Variants in UROS observed in about 807,000 individuals in gnomAD.
UROS encodes uroporphyrinogen III synthase.
Under a neutral mutation model 33.0 loss-of-function variants are expected in UROS, and 18 were observed. That is an observed-to-expected ratio of 0.55 (90% CI 0.38 to 0.81). UROS has a LOEUF of 0.81. Among genes scored for constraint, UROS ranks in the 30% least tolerant of loss-of-function variants. The pLI is 0.00. For synonymous variants in UROS, 114 were observed against 121.1 expected (o/e 0.94, Z 0.38); for missense variants, 293 against 314.9 (o/e 0.93, Z 0.53).
In UROS at chr10:125,789,685, G is replaced by A. The variant is rs527389919; in HGVS notation, c.661-680C>T. Among the ~76,000 whole-genome samples, 28 of 152,272 alleles carry A rather than the reference G, an allele frequency of 1.8e-4. No individual in the cohort carries two copies. In the South Asian group the frequency reaches 3.9e-3, roughly 21 times the overall value. ...CGTGATACTTCCAATCAGCCAATCCGGGGCACTGGCCTCATCCACAGGACA... is the reference window on the plus strand; with the variant it reads ...CGTGATACTTCCAATCAGCCAATCCAGGGCACTGGCCTCATCCACAGGACA... On this transcript the variant is annotated intron_variant, in intron 9 of 9. Transcript: ENST00000368797.
chr10:125,806,141 G>A (rs989985098), intron 6 of UROS, among the ~76,000 whole-genome samples: 3 of 152,128 alleles, frequency 2.0e-5, no homozygotes, highest in African/African-American at 4.8e-5. Context: ...AATGACTTAC[G>A]GCAGGAAGAC....
chr10:125,805,273 C>A (rs915781315), intron 6 of UROS, among the ~76,000 whole-genome samples: 2 of 152,240 alleles, frequency 1.3e-5, no homozygotes, highest in African/African-American at 4.8e-5. Context: ...AGCACACTTA[C>A]GTCTTCATCC....
chr10:125,787,855 G>A (rs563651370), downstream of UROS, among the ~76,000 whole-genome samples: 198 of 152,240 alleles, frequency 1.3e-3, no homozygotes, highest in African/African-American at 4.3e-3. Context: ...AATCTCCTAC[G>A]AGGTGGCTGA....
intron 3 of UROS, among the ~76,000 whole-genome samples, chr10:125,815,610 T>C (rs1382786116): frequency 2.0e-5 from 3 of 152,226 alleles, no homozygotes. Flanking sequence ...GCTGTACATA[T>C]CTGACTTCAC....
At chr10:125,791,307 A>G (rs1375681065) in intron 9 of UROS, among the ~76,000 whole-genome samples, 1 of 152,220 alleles carries the variant, frequency 6.6e-6, no homozygotes, top group Non-Finnish European at 1.5e-5. Context: ...CTTCAGACCC[A>G]CAAGGATGGC....
Position 125,788,825 on chromosome 10 carries a change from C to T in UROS, c.*43G>A, listed in dbSNP as rs1197284897. On this transcript the variant is annotated 3_prime_UTR_variant, in exon 10 of 10. Coordinates refer to ENST00000368797, the MANE Select transcript of UROS (RefSeq NM_000375.3). The stretch of plus-strand genomic sequence containing the variant: ...ATGCCTGGCTCCATCCAGAGCCAGC[C>T]CAGCCCAGGGAGGCTGCATGGGGCC... 1.3e-6 allele frequency: 2 copies of T among 1,548,142 alleles called. No homozygotes were observed. The highest frequency in any genetic ancestry group is 1.7e-6 in the Non-Finnish European group (2 of 1,146,116).
intron 6 of UROS, chr10:125,802,449 A>G (rs1851925058): frequency 5.1e-6 from 5 of 986,738 alleles, no homozygotes; most frequent in Non-Finnish European, 6.0e-6. Flanking sequence ...ACAGAAAGCA[A>G]CACGTTGGCC....
chr10:125,798,226 AG>A (rs1851528440), intron 6 of UROS, 81 bp from the exon 7 acceptor site: 3 of 1,430,550 alleles, frequency 2.1e-6, no homozygotes, highest in Non-Finnish European at 2.0e-6. Flanking sequence ...AGCTTTGGGA[AG>A]GGGGAAGCAG....
downstream of UROS, among the ~76,000 whole-genome samples, chr10:125,786,838 C>T (rs541473161): frequency 1.7e-4 from 26 of 152,316 alleles, no homozygotes; most frequent in South Asian, 1.9e-3. Flanking sequence ...TACCTTCTGT[C>T]CCACCAATAC....
At chr10:125,788,119 C>A (rs1016210307), downstream of UROS, among the ~76,000 whole-genome samples, 7 of 152,198 alleles carry the variant, frequency 4.6e-5, no homozygotes, top group African/African-American at 1.7e-4. Flanking sequence ...CAGAGCCTTC[C>A]CACCACCAGC....
chr10:125,814,953 T>G, intron 4 of UROS, 81 bp downstream of exon 4: 7 of 1,490,894 alleles, frequency 4.7e-6, no homozygotes, highest in Non-Finnish European at 5.5e-6. Context: ...GAAGTGCAGC[T>G]GCTTCTGGAA....
At chr10:125,820,715 G>A (rs1484535886) in intron 1 of UROS, among the ~76,000 whole-genome samples, 1 of 152,172 alleles carries the variant, frequency 6.6e-6, no homozygotes, top group Non-Finnish European at 1.5e-5. Context: ...CAAGTCCCTG[G>A]GAGGTTTGAG....
intron 8 of UROS, among the ~76,000 whole-genome samples, chr10:125,795,610 TC>T (rs1263298321): frequency 6.6e-6 from 1 of 152,130 alleles, no homozygotes; most frequent in Non-Finnish European, 1.5e-5. Flanking sequence ...TGTCAGCTCT[TC>T]CCACTATGGG....
At chr10:125,796,003 A>T in intron 8 of UROS, 100 bp downstream of exon 8, 2 of 1,052,624 alleles carry the variant, frequency 1.9e-6, no homozygotes, top group Admixed American at 3.4e-5. Flanking sequence ...GGGACAGTGA[A>T]ACCACATATA....
Position 125,788,632 on chromosome 10 carries a change from A to G in UROS, c.*236T>C. ...ATTTGACTTCCTTCCTGCTGGGCAC[A>G]GGAAGCTCTCACAGGGCTAGGGTTT... On this transcript the variant is annotated 3_prime_UTR_variant, in exon 10 of 10. Transcript: ENST00000368797. 1 of 1,411,300 alleles carries G rather than the reference A, an allele frequency of 7.1e-7. No individual in the cohort carries two copies. The highest frequency in any genetic ancestry group is 9.2e-7 in the Non-Finnish European group (1 of 1,086,132). The allele number at this position is 1,411,300 out of a possible 1,614,324, so 87.4% of individuals were successfully genotyped here. A position where few individuals can be genotyped will look rare whatever the true frequency, so the allele number is the denominator to read the frequency against.
chr10:125,789,367 A>T, intron 9 of UROS: 1 of 1,200,784 alleles, frequency 8.3e-7, no homozygotes, highest in South Asian at 1.8e-5. Flanking sequence ...CCTGGGTCTG[A>T]TCAAGGGGAG....
At chr10:125,797,635 G>C (rs1420731813) in intron 7 of UROS, among the ~76,000 whole-genome samples, 2 of 152,218 alleles carry the variant, frequency 1.3e-5, no homozygotes, top group Non-Finnish European at 2.9e-5. Flanking sequence ...AGCCACGGCA[G>C]GTGGAGCTGG....
Position 125,796,094 on chromosome 10 carries a change from GCCA to G in UROS, c.561+6_561+8del. On this transcript the variant is annotated splice_donor_region_variant and intron_variant, in intron 8 of 9. Transcript: ENST00000368797. ...CACCCTGCCAGAACCGCCCCCAAAC[GCCA>G]CGTACCTGCTGGGAATAGTAGCTGT... is the stretch of plus-strand genomic sequence containing the variant. 1.1e-5 allele frequency: 18 copies of G among 1,613,896 alleles called. No homozygotes were observed. The highest frequency in any genetic ancestry group is 1.5e-5 in the Non-Finnish European group (18 of 1,179,968).
At chr10:125,813,202 C>T (rs140914740) in intron 4 of UROS, among the ~76,000 whole-genome samples, 159 of 152,330 alleles carry the variant, frequency 1.0e-3, no homozygotes, top group Admixed American at 3.2e-3. Flanking sequence ...AAGCCTTCCA[C>T]AGAGCCAGCT....
Sources: gnomAD v4.1 joint callset for allele counts (sites outside exome capture counted in the v4.1 genomes callset) on GRCh38, gnomAD v4.1.1 for gene constraint, MANE v1.5 for transcripts, NCBI Gene and HGNC (gene_info 2026-07-23, HGNC 2026-07-21) for gene names.